Variants in HIVEP3 observed in about 807,000 individuals in gnomAD.
HIVEP3 encodes the protein transcription factor HIVEP3.
Under a neutral mutation model 152.8 loss-of-function variants are expected in HIVEP3, and 49 were observed. That is an observed-to-expected ratio of 0.32 (90% CI 0.26 to 0.41). The LOEUF (loss-of-function observed/expected upper bound fraction) is 0.41. HIVEP3 is among the 10% of genes least tolerant of loss of function. HIVEP3 has a pLI of 1.00. For missense variants in HIVEP3, 2,790 were observed against 3,103.3 expected (o/e 0.90, Z 2.40); for synonymous variants, 1,269 against 1,289.0 (o/e 0.98, Z 0.33).
chr1:41,720,255 C>T (rs1218858506), intron 1 of HIVEP3, among the ~76,000 whole-genome samples: 1 of 152,190 alleles, frequency 6.6e-6, no homozygotes, highest in Non-Finnish European at 1.5e-5. Flanking sequence ...TCCAGGGCTG[C>T]TCCCAGGCCC....
chr1:41,686,687 G>A (rs1570314205), intron 2 of HIVEP3, among the ~76,000 whole-genome samples: 1 of 152,134 alleles, frequency 6.6e-6, no homozygotes, highest in Non-Finnish European at 1.5e-5. Flanking sequence ...CAAGCCTTCT[G>A]GGGGTGGGGA....
chr1:41,794,999 C>T (rs1649904897), intron 1 of HIVEP3, among the ~76,000 whole-genome samples: 1 of 152,178 alleles, frequency 6.6e-6, no homozygotes, highest in African/African-American at 2.4e-5. Context: ...ACAATCATAG[C>T]TTACTATAAC....
chr1:41,506,710 C>A lies in HIVEP3; in HGVS notation c.*3741G>T, dbSNP rs1644386928. 6.6e-6 allele frequency: 1 copy of A among 151,944 alleles called. No individual in the cohort carries two copies. The highest frequency in any genetic ancestry group is 2.4e-5 in the African/African-American group (1 of 41,340). The allele number at this position is 151,944 out of a possible 1,614,324, so 9.4% of individuals were successfully genotyped here. On this transcript the variant is annotated 3_prime_UTR_variant, in exon 9 of 9. Transcript: ENST00000372583. ...TAAATAAAATTACAGGCAAAACTAC[C>A]CCATCCCAGTGCGGTTGCTGTACAT...
At chr1:41,806,916 C>T (rs1018692751) in intron 1 of HIVEP3, among the ~76,000 whole-genome samples, 1 of 152,222 alleles carries the variant, frequency 6.6e-6, no homozygotes, top group East Asian at 1.9e-4. Context: ...CACGCCCCAC[C>T]CACACAGCCC....
intron 2 of HIVEP3, among the ~76,000 whole-genome samples, chr1:41,630,663 A>G (rs1244922605): frequency 6.6e-6 from 1 of 152,128 alleles, no homozygotes; most frequent in Non-Finnish European, 1.5e-5. Context: ...ACCTTGAATG[A>G]GCTTGGAAAG....
chr1:41,751,043 C>G (rs1462232505), intron 1 of HIVEP3, among the ~76,000 whole-genome samples: 1 of 152,104 alleles, frequency 6.6e-6, no homozygotes, highest in Non-Finnish European at 1.5e-5. Flanking sequence ...GGACTAGGTT[C>G]GTAAGAACGG....
intron 1 of HIVEP3, among the ~76,000 whole-genome samples, chr1:41,839,662 G>A (rs1390374657): frequency 4.6e-5 from 7 of 152,208 alleles, no homozygotes; most frequent in African/African-American, 1.7e-4. Flanking sequence ...ACATGAGTGA[G>A]GTAACCACTC....
intron 1 of HIVEP3, among the ~76,000 whole-genome samples, chr1:42,031,032 A>T (rs531252859): frequency 2.0e-5 from 3 of 152,334 alleles, no homozygotes; most frequent in African/African-American, 7.2e-5. Flanking sequence ...TCTCTCATCA[A>T]CAGCCTAGAG....
rs1339183679 is a variant in HIVEP3, at chr1:41,508,843, T to C, written c.*1608A>G. ...TAGCCAGAGAGGTCCCTGCTCTGTA[T>C]AGGGTGGCATCAAACCCAGCCTTCA... On this transcript the variant is annotated 3_prime_UTR_variant, in exon 9 of 9. Coordinates refer to ENST00000372583, the MANE Select transcript of HIVEP3 (RefSeq NM_024503.5). 1.3e-5 allele frequency: 2 copies of C among 152,236 alleles called. No individual in the cohort carries two copies. The highest frequency in any genetic ancestry group is 2.9e-5 in the Non-Finnish European group (2 of 68,066). The allele number at this position is 152,236 out of a possible 1,614,324, so 9.4% of individuals were successfully genotyped here.
At chr1:41,955,506 C>A (rs1354149347) in intron 1 of HIVEP3, among the ~76,000 whole-genome samples, 3 of 152,084 alleles carry the variant, frequency 2.0e-5, no homozygotes, top group Admixed American at 6.5e-5. Context: ...AAAAAAAAAC[C>A]CCTCATATTA....
chr1:41,584,585 C>A lies in HIVEP3; in HGVS notation c.213G>T (p.Gln71His). 2.5e-6 allele frequency: 4 copies of A among 1,613,968 alleles called. No homozygotes were observed. In the South Asian group the frequency reaches 3.3e-5, roughly 13 times the overall value. The change falls in exon 4 of 9, where the codon CAG becomes CAT. Residue 71 changes from glutamine (Q) to histidine (H), a missense_variant. Transcript: ENST00000372583. This position sits in a 1 kb window ranked among gnomAD's most constrained non-coding sequence, Gnocchi z 5.2. ...GCTTCTGCTGCTGGCCCGTTTTCTCCTGAGAGCCTTCCCTAAGAACTGATG... is the reference window on the plus strand; with the variant it reads ...GCTTCTGCTGCTGGCCCGTTTTCTCATGAGAGCCTTCCCTAAGAACTGATG... The part of the protein sequence containing the change: ...GPSSVLREGS[Q>H]EKTGQQQKPP...
At position 41,582,017 on chromosome 1, in the gene HIVEP3, A is replaced by G. The variant is rs1644418987; in HGVS notation, c.2781T>C (p.Pro927=). The G allele has an allele frequency of 1.9e-6, 3 of 1,614,162 alleles. No individual in the cohort carries two copies. Among genetic ancestry groups the G allele is most frequent in the Non-Finnish European group, 2.5e-6 (3 of 1,180,022 alleles). ...TTTCCTGGCTCGGGCTGCGAGACAG[A>G]GGCACAGAGGACTCGAAGCTGGACT... is the stretch of plus-strand genomic sequence containing the variant. ...SGESSFESSV[P]LSRSPSQESN... is the part of the protein sequence containing the mutation. The change falls in exon 4 of 9, where the codon CCT becomes CCC. Residue 927 remains proline (P), a synonymous_variant. Transcript: ENST00000372583. This position sits in a 1 kb window ranked among gnomAD's most constrained non-coding sequence, Gnocchi z 4.7.
chr1:41,922,392 C>A (rs375871690), upstream of HIVEP3, among the ~76,000 whole-genome samples: 1 of 152,126 alleles, frequency 6.6e-6, no homozygotes, highest in Non-Finnish European at 1.5e-5. Context: ...ACTATAATTT[C>A]TCTTATGCAA....
intron 5 of HIVEP3, among the ~76,000 whole-genome samples, chr1:41,558,157 C>T (rs562970101): frequency 1.9e-4 from 29 of 152,296 alleles, no homozygotes; most frequent in African/African-American, 6.7e-4. Context: ...TCAGGTGCCC[C>T]ACCTCCTCCC....
chr1:41,613,398 A>G (rs1644924541), intron 3 of HIVEP3, among the ~76,000 whole-genome samples: 1 of 152,214 alleles, frequency 6.6e-6, no homozygotes, highest in Admixed American at 6.5e-5. Flanking sequence ...TCACATGCCC[A>G]TCTCCCCAGC....
In HIVEP3 at chr1:41,785,814, C is replaced by T. The variant is rs562596312; in HGVS notation, c.-800-84819G>A. ...GAGTTCAAGACCAGCCTGGCCAACA[C>T]GGTGAAATCCCATCTCTACTAAAAA... On this transcript the variant is annotated intron_variant, in intron 1 of 8. Transcript: ENST00000372583. Among the ~76,000 whole-genome samples, 15 of 152,214 alleles carry T rather than the reference C, an allele frequency of 9.9e-5. No homozygotes were observed. The South Asian group carries it at 1.7e-3, about 17-fold the overall frequency.
intron 1 of HIVEP3, among the ~76,000 whole-genome samples, chr1:41,724,034 C>T (rs1410337478): frequency 6.6e-6 from 1 of 152,258 alleles, no homozygotes; most frequent in South Asian, 2.1e-4. Flanking sequence ...GAGGATAATA[C>T]AGATGTTAGT....
At chr1:42,006,533 A>G (rs772902137) in intron 1 of HIVEP3, among the ~76,000 whole-genome samples, 8 of 151,598 alleles carry the variant, frequency 5.3e-5, no homozygotes, top group Non-Finnish European at 1.0e-4. Flanking sequence ...CATAAGTAAC[A>G]TATTTTATGA....
intron 1 of HIVEP3, among the ~76,000 whole-genome samples, chr1:41,935,590 C>T (rs1211334988): frequency 6.6e-6 from 1 of 151,608 alleles, no homozygotes; most frequent in East Asian, 1.9e-4. Flanking sequence ...AACTGTCCTC[C>T]ATGTTTTTTA....
Sources: gnomAD v4.1 joint callset for allele counts (sites outside exome capture counted in the v4.1 genomes callset) on GRCh38, gnomAD v4.1.1 for gene constraint, Gnocchi (gnomAD v3.1) non-coding constraint, MANE v1.5 for transcripts, NCBI Gene and HGNC (gene_info 2026-07-23, HGNC 2026-07-21) for gene names.